The following APLP2 variants were observed in gnomAD, a reference collection of about 807,000 sequenced individuals.
APLP2 encodes the protein amyloid beta precursor like protein 2.
APLP2 carries 53 observed loss-of-function variants against 89.9 expected under a neutral mutation model. The observed-to-expected ratio is 0.59, with a 90% CI of 0.47 to 0.74. The LOEUF (loss-of-function observed/expected upper bound fraction) is 0.74, where lower values mean the gene tolerates loss of function less well. Ranked by LOEUF, APLP2 falls within the 30% of genes least tolerant of loss-of-function variation. The pLI is 0.00. For synonymous variants in APLP2, 372 were observed against 348.6 expected, an observed-to-expected ratio of 1.07 and a Z score of -0.75; for missense variants, 973 against 975.9, an observed-to-expected ratio of 1.00 and a Z score of 0.04.
intron 1 of APLP2, among the ~76,000 whole-genome samples, chr11:130,077,977 G>A (rs965729773): frequency 1.3e-5 from 2 of 152,124 alleles, no homozygotes; most frequent in Admixed American, 6.5e-5. Flanking sequence ...AAAGCTCAGT[G>A]TGTTTTTGTA....
In APLP2 at chr11:130,122,448, A is replaced by G. The variant is rs1949932540; in HGVS notation, c.857A>G (p.Glu286Gly). 6.2e-7 allele frequency: 1 copy of G among 1,614,204 alleles called. No homozygotes were observed. The highest frequency in any genetic ancestry group is 8.5e-7 in the Non-Finnish European group (1 of 1,180,018). ...TTCAAAGGAGATGACTACAATGAGG[A>G]GAATCCTACTGAACCCGGCAGCGAC... is the stretch of plus-strand genomic sequence containing the variant. ...DTFKGDDYNE[E>G]NPTEPGSDGT... The change falls in exon 6 of 17, where the codon GAG (glutamate) becomes GGG (glycine). Residue 286 changes from glutamate (E) to glycine (G), a missense_variant. Glu to Gly is a moderately conservative substitution (Grantham distance 98, BLOSUM62 -2). Transcript: ENST00000338167.
intron 1 of APLP2, among the ~76,000 whole-genome samples, chr11:130,085,993 C>A (rs1256371798): frequency 6.6e-6 from 1 of 152,216 alleles, no homozygotes; most frequent in East Asian, 1.9e-4. Context: ...AACAATGCTG[C>A]TATGAAAATT....
At chr11:130,091,455 C>T (rs1274839283) in intron 1 of APLP2, among the ~76,000 whole-genome samples, 3,075 of 106,584 alleles carry the variant, frequency 0.029, no homozygotes, top group South Asian at 0.039. Context: ...GCAGAGGCGC[C>T]CCTCACCTCC....
At chr11:130,102,776 A>G (rs1947118075) in intron 1 of APLP2, among the ~76,000 whole-genome samples, 1 of 152,238 alleles carries the variant, frequency 6.6e-6, no homozygotes, top group Non-Finnish European at 1.5e-5. Context: ...GTTTTCGACC[A>G]AGTTACTAGA....
At chr11:130,093,451 G>T (rs377412920) in intron 1 of APLP2, among the ~76,000 whole-genome samples, 2 of 152,174 alleles carry the variant, frequency 1.3e-5, no homozygotes, top group Non-Finnish European at 2.9e-5. Context: ...GATAACAAAG[G>T]GTTCTTGGAA....
At chr11:130,122,282 T>C (rs143585313) in intron 5 of APLP2, 23 bp from the exon 6 acceptor site, 2 of 1,612,658 alleles carry the variant, frequency 1.2e-6, no homozygotes, top group East Asian at 2.2e-5. Flanking sequence ...TTAACCTTCC[T>C]TTTTTTCTAT....
At chr11:130,076,749 A>G (rs1008770085) in intron 1 of APLP2, among the ~76,000 whole-genome samples, 2 of 152,226 alleles carry the variant, frequency 1.3e-5, no homozygotes, top group African/African-American at 4.8e-5. Context: ...GATAATGTCC[A>G]GAGGAGGAAG....
chr11:130,075,627 A>G (rs916160050), intron 1 of APLP2, among the ~76,000 whole-genome samples: 2 of 152,194 alleles, frequency 1.3e-5, no homozygotes, highest in Non-Finnish European at 2.9e-5. Context: ...GAAAAACAAA[A>G]CAAAGTCTTT....
At chr11:130,127,036 C>G (rs1315661310) in intron 8 of APLP2, among the ~76,000 whole-genome samples, 2 of 149,314 alleles carry the variant, frequency 1.3e-5, no homozygotes, top group African/African-American at 2.5e-5. Flanking sequence ...TAATTATCCT[C>G]TGAGCACTTC....
chr11:130,097,248 G>C (rs959166519), intron 1 of APLP2, among the ~76,000 whole-genome samples: 1 of 152,128 alleles, frequency 6.6e-6, no homozygotes, highest in Admixed American at 6.5e-5. Context: ...AATGTTTAGC[G>C]GAATGACTAT....
chr11:130,112,328 T>TAA (rs965795481), intron 3 of APLP2, among the ~76,000 whole-genome samples: 8 of 152,190 alleles, frequency 5.3e-5, no homozygotes, highest in African/African-American at 1.9e-4. Flanking sequence ...ATTCCTGTGA[T>TAA]AAAAAGCAAG....
At chr11:130,083,682 A>G (rs12803018) in intron 1 of APLP2, among the ~76,000 whole-genome samples, 8,780 of 152,068 alleles carry the variant, frequency 0.058, 359 homozygotes, top group Non-Finnish European at 0.087. Context: ...AGGCTGAACA[A>G]TATTCCATTT....
intron 7 of APLP2, among the ~76,000 whole-genome samples, chr11:130,124,434 C>T (rs923455156): frequency 6.6e-6 from 1 of 152,114 alleles, no homozygotes; most frequent in African/African-American, 2.4e-5. Flanking sequence ...GTCAGTGGTT[C>T]AGTTGAGTTG....
At chr11:130,132,560 T>A (rs1951047957) in intron 11 of APLP2, among the ~76,000 whole-genome samples, 1 of 151,806 alleles carries the variant, frequency 6.6e-6, no homozygotes, top group African/African-American at 2.4e-5. Flanking sequence ...CACCTTTCAC[T>A]TCCATCCTGG....
chr11:130,095,727 CATTTA>C (rs1946106807), intron 1 of APLP2, among the ~76,000 whole-genome samples: 1 of 152,272 alleles, frequency 6.6e-6, no homozygotes, highest in Admixed American at 6.5e-5. Context: ...GTTTTTTTGT[CATTTA>C]ATTTGTCAAC....
chr11:130,132,548 G>C (rs149582630), intron 11 of APLP2, among the ~76,000 whole-genome samples: 1 of 151,146 alleles, frequency 6.6e-6, no homozygotes, highest in African/African-American at 2.4e-5. Context: ...ATGCTAGCCC[G>C]TCACCTTTCA....
chr11:130,070,230 C>T, intron 1 of APLP2, 148 bp downstream of exon 1: 3 of 373,062 alleles, frequency 8.0e-6, no homozygotes, highest in Non-Finnish European at 1.2e-5. Context: ...CGCCCTCCCC[C>T]GCCCGTCCCT....
rs748337940 is a variant in APLP2 at position 130,130,056 on chromosome 11, G to A, written c.1474G>A (p.Ala492Thr). Reference sequence around the variant, plus strand: ...CTTGCAGCCTCATCGCATTCTCCAGGCCTTACGGCGTTATGTCCGTGCTGA... The same window carrying A: ...CTTGCAGCCTCATCGCATTCTCCAGACCTTACGGCGTTATGTCCGTGCTGA... ...DPPRPHRILQ[A>T]LRRYVRAENK... The change falls in exon 11 of 17, where the codon GCC becomes ACC. Residue 492 changes from alanine to threonine, a missense_variant. Transcript: ENST00000338167. The A allele has an allele frequency of 5.6e-5, 91 of 1,614,152 alleles. 1 individual carries two copies. In the Admixed American group the frequency reaches 1.5e-3, roughly 27 times the overall value.
chr11:130,090,370 G>A (rs1215234802), intron 1 of APLP2, among the ~76,000 whole-genome samples: 1 of 146,544 alleles, frequency 6.8e-6, no homozygotes, highest in Non-Finnish European at 1.5e-5. Context: ...ATAAACAAGT[G>A]AACAAAGGTC....
Sources: allele counts gnomAD v4.1 joint callset (sites outside exome capture counted in the v4.1 genomes callset), GRCh38; gene constraint gnomAD v4.1.1; transcripts MANE v1.5; gene names NCBI Gene and HGNC (gene_info 2026-07-23, HGNC 2026-07-21).